Variants in TUNAR observed in about 807,000 individuals in gnomAD.
TUNAR encodes the protein transmembrane neural differentiation associated intracellular calcium regulator.
At chr14:95,887,030 T>C (rs1889089000) in intron 2 of TUNAR, among the ~76,000 whole-genome samples, 1 of 152,148 alleles carries the variant, frequency 6.6e-6, no homozygotes, top group South Asian at 2.1e-4. Flanking sequence ...TAGCAAGTTA[T>C]CAGAGCAGAT....
chr14:95,877,506 C>T (rs944354718), intron 2 of TUNAR, among the ~76,000 whole-genome samples: 4 of 152,174 alleles, frequency 2.6e-5, no homozygotes, highest in African/African-American at 7.2e-5. Flanking sequence ...GTGTCCAGGC[C>T]GTGCCGGGCA....
chr14:95,897,613 T>C (rs750085862), intron 2 of TUNAR, among the ~76,000 whole-genome samples: 3 of 152,212 alleles, frequency 2.0e-5, no homozygotes, highest in Non-Finnish European at 4.4e-5. Flanking sequence ...GCTATAATTA[T>C]TGCTGCATCA....
At chr14:95,899,656 G>A (rs1889318619) in intron 2 of TUNAR, among the ~76,000 whole-genome samples, 1 of 152,178 alleles carries the variant, frequency 6.6e-6, no homozygotes, top group African/African-American at 2.4e-5. Flanking sequence ...CCCACTCGGT[G>A]GTTTGCAGAT....
intron 2 of TUNAR, among the ~76,000 whole-genome samples, chr14:95,894,748 A>G (rs1889233056): frequency 6.6e-6 from 1 of 152,198 alleles, no homozygotes; most frequent in African/African-American, 2.4e-5. Flanking sequence ...TTCTCTGCAT[A>G]TTGCACAGCT....
intron 2 of TUNAR, among the ~76,000 whole-genome samples, chr14:95,912,546 T>C (rs951223374): frequency 6.6e-6 from 1 of 152,222 alleles, no homozygotes; most frequent in African/African-American, 2.4e-5. Context: ...AAAAGATAGA[T>C]GAAGTTCCAG....
chr14:95,898,695 T>A (rs1013382730), intron 2 of TUNAR, among the ~76,000 whole-genome samples: 6 of 152,222 alleles, frequency 3.9e-5, no homozygotes, highest in African/African-American at 1.4e-4. Flanking sequence ...TTGTCTCTGA[T>A]CATTTCTTTT....
intron 2 of TUNAR, among the ~76,000 whole-genome samples, chr14:95,900,797 A>T (rs1054556282): frequency 6.6e-6 from 1 of 152,210 alleles, no homozygotes; most frequent in African/African-American, 2.4e-5. Context: ...AAAACAGTTC[A>T]TGACAAAAGG....
intron 2 of TUNAR, among the ~76,000 whole-genome samples, chr14:95,890,274 G>A (rs1889157162): frequency 6.6e-6 from 1 of 152,170 alleles, no homozygotes. Flanking sequence ...GGAGCCCCAG[G>A]TCTCACCATC....
At chr14:95,898,464 A>G (rs1200206833) in intron 2 of TUNAR, among the ~76,000 whole-genome samples, 1 of 151,936 alleles carries the variant, frequency 6.6e-6, no homozygotes, top group East Asian at 1.9e-4. Context: ...TTGTTTTAAA[A>G]CCTTCATTTG....
chr14:95,894,662 T>A (rs910032100), intron 2 of TUNAR, among the ~76,000 whole-genome samples: 11 of 152,162 alleles, frequency 7.2e-5, no homozygotes, highest in Non-Finnish European at 1.3e-4. Context: ...GTCTATAGAT[T>A]GTTGGAATGT....
intron 2 of TUNAR, among the ~76,000 whole-genome samples, chr14:95,893,880 G>T (rs1889218155): frequency 6.6e-6 from 1 of 152,246 alleles, no homozygotes; most frequent in Non-Finnish European, 1.5e-5. Context: ...CACTATGTGG[G>T]CACATGCCCG....
chr14:95,913,537 C>A (rs961135425), intron 2 of TUNAR, among the ~76,000 whole-genome samples: 30 of 152,174 alleles, frequency 2.0e-4, no homozygotes, highest in African/African-American at 7.2e-4. Context: ...TACTATTGAT[C>A]ACTGAGTGGC....
At chr14:95,892,292 A>G (rs1219366306) in intron 2 of TUNAR, among the ~76,000 whole-genome samples, 2 of 152,238 alleles carry the variant, frequency 1.3e-5, no homozygotes, top group African/African-American at 4.8e-5. Context: ...TGTGCTCATG[A>G]GTCCCTCTGC....
chr14:95,889,583 G>C (rs559465171), intron 2 of TUNAR, among the ~76,000 whole-genome samples: 2 of 152,118 alleles, frequency 1.3e-5, no homozygotes, highest in Admixed American at 1.3e-4. Context: ...GGCAAGCCCC[G>C]TGACTGGGAG....
intron 2 of TUNAR, among the ~76,000 whole-genome samples, chr14:95,893,074 C>G (rs891455616): frequency 1.3e-5 from 2 of 152,090 alleles, no homozygotes; most frequent in Non-Finnish European, 2.9e-5. Context: ...CTGCAGTGAC[C>G]ATGGCCAATG....
intron 2 of TUNAR, among the ~76,000 whole-genome samples, chr14:95,911,014 C>T (rs1219710560): frequency 6.6e-6 from 1 of 152,152 alleles, no homozygotes. Context: ...CTAATGCATA[C>T]AAGAGTATAC....
chr14:95,889,648 A>G (rs1889139306), intron 2 of TUNAR, among the ~76,000 whole-genome samples: 2 of 152,218 alleles, frequency 1.3e-5, no homozygotes, highest in Admixed American at 6.5e-5. Context: ...CACCAAGGGT[A>G]GACCTCCCTC....
chr14:95,878,794 ATAGG>A (rs1888929616), intron 2 of TUNAR, among the ~76,000 whole-genome samples: 2 of 152,170 alleles, frequency 1.3e-5, no homozygotes, highest in Non-Finnish European at 2.9e-5. Context: ...GGGTTGTGGG[ATAGG>A]TTAGGCCTTT....
At chr14:95,882,464 G>A (rs1888995394) in intron 2 of TUNAR, among the ~76,000 whole-genome samples, 1 of 151,392 alleles carries the variant, frequency 6.6e-6, no homozygotes, top group Non-Finnish European at 1.5e-5. Flanking sequence ...AAGAAATTTA[G>A]CTGTGTTTCT....
Sources: allele counts gnomAD v4.1 joint callset (sites outside exome capture counted in the v4.1 genomes callset), GRCh38; gene constraint gnomAD v4.1.1; transcripts MANE v1.5; gene names NCBI Gene and HGNC (gene_info 2026-07-23, HGNC 2026-07-21).